The following GLIS2 variants were observed in gnomAD, a reference collection of about 807,000 sequenced individuals.
GLIS2 encodes the protein zinc finger protein GLIS2.
GLIS2 carries 14 observed loss-of-function variants against 35.6 expected under a neutral mutation model. That is an observed-to-expected ratio of 0.39 (90% CI 0.26 to 0.61). The LOEUF is 0.61. Among genes scored for constraint, GLIS2 ranks in the 20% least tolerant of loss-of-function variants. GLIS2 has a pLI of 0.48. For missense variants in GLIS2, 675 were observed against 713.4 expected (o/e 0.95, Z 0.61); for synonymous variants, 368 against 325.1 (o/e 1.13, Z -1.42).
chr16:4,337,117 G>A lies in GLIS2; in HGVS notation c.1168G>A (p.Gly390Arg), dbSNP rs1201022090. The change falls in exon 7 of 7, where the codon GGG becomes AGG. Residue 390 changes from glycine (G) to arginine (R), a missense_variant. Gly to Arg is a moderately radical substitution (Grantham distance 125, BLOSUM62 -2). Coordinates refer to ENST00000433375, the MANE Select transcript of GLIS2 (RefSeq NM_032575.3). ...CAGTGCCCTGGCCTGTGGCAACGGT[G>A]GGGGCAGTGGGGGTGGGGGGGGCAT... ...DLSALACGNGGGSGGGGGMGP... is the reference protein window; with the variant it reads ...DLSALACGNGRGSGGGGGMGP... 2 of 1,535,888 alleles carry A rather than the reference G, an allele frequency of 1.3e-6. No homozygotes were observed. Among genetic ancestry groups the A allele is most frequent in the Non-Finnish European group, 1.7e-6 (2 of 1,146,426 alleles).
At chr16:4,327,672 G>T (rs1353141206) in intron 1 of GLIS2, among the ~76,000 whole-genome samples, 1 of 150,428 alleles carries the variant, frequency 6.6e-6, no homozygotes, top group Non-Finnish European at 1.5e-5. Flanking sequence ...CGGGGGGCCC[G>T]CCCAGCCCAC....
Position 4,337,290 on chromosome 16 carries a change from G to A in GLIS2, c.1341G>A (p.Gly447=). The change falls in exon 7 of 7, where the codon GGG becomes GGA. Residue 447 remains glycine (G), a synonymous_variant. Coordinates refer to ENST00000433375, the MANE Select transcript of GLIS2 (RefSeq NM_032575.3). ...AAGGKAEGEK[G]RGSVPTRALG... ...GTGGCAAGGCCGAGGGGGAGAAGGG[G>A]CGTGGGTCGGTGCCCACCAGGGCCC... The A allele has an allele frequency of 6.4e-7, 1 of 1,554,070 alleles. No homozygotes were observed. The highest frequency in any genetic ancestry group is 1.4e-5 in the African/African-American group (1 of 73,432).
upstream of GLIS2, among the ~76,000 whole-genome samples, chr16:4,315,694 C>G (rs1184285548): frequency 2.0e-5 from 3 of 150,784 alleles, no homozygotes; most frequent in Admixed American, 1.3e-4. Context: ...AGGATGGGGC[C>G]GAGGAGGACG....
intron 1 of GLIS2, among the ~76,000 whole-genome samples, chr16:4,316,687 G>A (rs2053316716): frequency 6.6e-6 from 1 of 152,074 alleles, no homozygotes; most frequent in Non-Finnish European, 1.5e-5. Context: ...TGCTAGGAAG[G>A]GCTTTGGAAG....
chr16:4,328,791 C>A (rs575510311), intron 1 of GLIS2, among the ~76,000 whole-genome samples: 13 of 152,212 alleles, frequency 8.5e-5, no homozygotes, highest in Non-Finnish European at 1.8e-4. Context: ...GAAGTGTCCC[C>A]TGCAGGCCCT....
intron 1 of GLIS2, among the ~76,000 whole-genome samples, chr16:4,318,470 C>T (rs1457118047): frequency 1.3e-5 from 2 of 152,236 alleles, no homozygotes; most frequent in African/African-American, 4.8e-5. Flanking sequence ...AACCTCATTG[C>T]AAACAATCGT....
At chr16:4,330,393 A>G (rs1343840877) in intron 1 of GLIS2, among the ~76,000 whole-genome samples, 3 of 152,298 alleles carry the variant, frequency 2.0e-5, no homozygotes, top group Admixed American at 2.0e-4. Context: ...CTACATATTT[A>G]TATATTAACC....
chr16:4,337,760 G>A lies in GLIS2; in HGVS notation c.*236G>A, dbSNP rs1469167653. On this transcript the variant is annotated 3_prime_UTR_variant, in exon 7 of 7. Coordinates refer to ENST00000433375, the MANE Select transcript of GLIS2 (RefSeq NM_032575.3). Reference sequence around the variant, plus strand: ...TCCTGGGTGCTGAAGCCTCGCTCCTGTCTGTCCCCCACCACCTGGCCCTCA... The same window carrying A: ...TCCTGGGTGCTGAAGCCTCGCTCCTATCTGTCCCCCACCACCTGGCCCTCA... 2 of 621,408 alleles carry A rather than the reference G, an allele frequency of 3.2e-6. No homozygotes were observed. The highest frequency in any genetic ancestry group is 2.9e-6 in the Non-Finnish European group (1 of 348,310). The allele number at this position is 621,408 out of a possible 1,614,324, so 38.5% of individuals were successfully genotyped here. A position where few individuals can be genotyped will look rare whatever the true frequency, so the allele number is the denominator to read the frequency against.
Position 4,335,205 on chromosome 16 carries a change from G to A in GLIS2, c.656+12G>A. 1 of 1,613,450 alleles carries A rather than the reference G, an allele frequency of 6.2e-7. No homozygotes were observed. ...GGTTTCAACGCCAGGTGAGGTGGGGGAGAGAGGGGTAGAGGGAGGACTGGG... is the reference window on the plus strand; with the variant it reads ...GGTTTCAACGCCAGGTGAGGTGGGGAAGAGAGGGGTAGAGGGAGGACTGGG... On this transcript the variant is annotated intron_variant, in intron 5 of 6. Transcript: ENST00000433375. The surrounding 1 kb of genome is among the most constrained non-coding windows in gnomAD (Gnocchi z 4.6).
chr16:4,323,755 G>A lies in GLIS2; in HGVS notation c.-67+7501G>A, dbSNP rs117468122. 9.8e-5 allele frequency among the ~76,000 whole-genome samples: 15 copies of A among 152,338 alleles called. No homozygotes were observed. The East Asian group carries it at 2.9e-3, about 29-fold the overall frequency. On this transcript the variant is annotated intron_variant, in intron 1 of 6. Transcript: ENST00000433375. ...GTGACCTTGGCAGGCCCAAGTTGCT[G>A]TGCAGGGAACCCCCAGCCTGGGGCC...
chr16:4,337,069 C>T lies in GLIS2; in HGVS notation c.1120C>T (p.Leu374=). The part of the protein sequence containing the change: ...GPGLPGLPLP[L]APGPLDLSAL... ...TGGCCTGCCCGGCTTACCCCTACCC[C>T]TGGCCCCCGGCCCCCTTGACCTCAG... The change falls in exon 7 of 7, where the codon CTG becomes TTG. Residue 374 remains leucine, a synonymous_variant. Transcript: ENST00000433375. The T allele has an allele frequency of 6.5e-7, 1 of 1,544,060 alleles. No homozygotes were observed. The highest frequency in any genetic ancestry group is 1.9e-5 in the Admixed American group (1 of 51,990).
Position 4,337,364 on chromosome 16 carries a change from G to A in GLIS2, c.1415G>A (p.Cys472Tyr). The part of the protein sequence containing the change: ...KTPLERTESS[C>Y]SRPSPDGLPL... ...CCCCTTGAAAGGACGGAGAGCAGCT[G>A]CTCCCGGCCAAGCCCCGATGGACTC... Residue 472 changes from cysteine to tyrosine, a missense_variant, in exon 7 of 7, where the codon TGC becomes TAC. Physicochemically the swap from Cys to Tyr is radical, Grantham distance 194. This residue lies in a region of GLIS2 where 317 missense variants were observed against 283.2 expected (regional missense o/e 1.12). Transcript: ENST00000433375. 6.3e-7 allele frequency: 1 copy of A among 1,593,100 alleles called. No individual in the cohort carries two copies. The highest frequency in any genetic ancestry group is 2.3e-5 in the East Asian group (1 of 43,770).
chr16:4,319,186 C>T (rs2053348448), intron 1 of GLIS2, among the ~76,000 whole-genome samples: 1 of 151,898 alleles, frequency 6.6e-6, no homozygotes, highest in Admixed American at 6.6e-5. Context: ...CCCTGAATCC[C>T]TTCCTCTCCT....
upstream of GLIS2, chr16:4,315,395 C>T (rs2053295560): frequency 6.6e-6 from 1 of 152,284 alleles, no homozygotes; most frequent in East Asian, 1.9e-4. Flanking sequence ...AATCAGGGCC[C>T]GCAGAGAGGC....
chr16:4,321,039 C>G lies in GLIS2; in HGVS notation c.-67+4785C>G, dbSNP rs2053373802. 2.0e-5 allele frequency among the ~76,000 whole-genome samples: 3 copies of G among 152,226 alleles called. No individual in the cohort carries two copies. In the South Asian group the frequency reaches 6.2e-4, roughly 32 times the overall value. ...TGTCCCCGGCTTCTGGACTTGCTTT[C>G]TTCCAGAGTAGGCGAGCAGAGAGGG... is the stretch of plus-strand genomic sequence containing the variant. On this transcript the variant is annotated intron_variant, in intron 1 of 6. Coordinates refer to ENST00000433375, the MANE Select transcript of GLIS2 (RefSeq NM_032575.3).
At chr16:4,322,652 C>A (rs1385350117) in intron 1 of GLIS2, among the ~76,000 whole-genome samples, 1 of 151,926 alleles carries the variant, frequency 6.6e-6, no homozygotes, top group Admixed American at 6.6e-5. Context: ...TCCCACCCCA[C>A]CTTGGTCGGG....
chr16:4,317,815 G>A (rs555699189), intron 1 of GLIS2, among the ~76,000 whole-genome samples: 1 of 152,234 alleles, frequency 6.6e-6, no homozygotes, highest in South Asian at 2.1e-4. Context: ...TGTTTTGGGG[G>A]GTGTGCGGAC....
In GLIS2 at chr16:4,335,296, C is replaced by A. The variant is rs1360092640; in HGVS notation, c.678C>A (p.Ile226=). 2 of 1,613,862 alleles carry A rather than the reference C, an allele frequency of 1.2e-6. No homozygotes were observed. Among genetic ancestry groups the A allele is most frequent in the Admixed American group, 3.3e-5 (2 of 60,024 alleles). Residue 226 remains isoleucine, a synonymous_variant, in exon 6 of 7, where the codon ATC becomes ATA. Transcript: ENST00000433375. This position sits in a 1 kb window ranked among gnomAD's most constrained non-coding sequence, Gnocchi z 4.6. ...FNARYKMLIH[I]RTHTNEKPHR... ...GCAGGTACAAGATGCTCATCCACATCCGCACACACACCAACGAGAAGCCAC... is the reference window on the plus strand; with the variant it reads ...GCAGGTACAAGATGCTCATCCACATACGCACACACACCAACGAGAAGCCAC...
chr16:4,326,158 T>C (rs543148074), intron 1 of GLIS2, among the ~76,000 whole-genome samples: 123 of 151,706 alleles, frequency 8.1e-4, no homozygotes, highest in Middle Eastern at 3.4e-3. Flanking sequence ...GGCAGGAGAA[T>C]GCTGTGAACC....
Sources: gnomAD v4.1 joint callset for allele counts (sites outside exome capture counted in the v4.1 genomes callset) on GRCh38, gnomAD v4.1.1 for gene constraint, gnomAD v4.1.1 regional missense constraint, Gnocchi (gnomAD v3.1) non-coding constraint, MANE v1.5 for transcripts, NCBI Gene and HGNC (gene_info 2026-07-23, HGNC 2026-07-21) for gene names.